Variants in ROR2 observed in about 807,000 individuals in gnomAD.
The protein encoded by ROR2 is ROR family WNT receptor 2.
Under a neutral mutation model 74.9 loss-of-function variants are expected in ROR2, and 33 were observed. The observed-to-expected ratio is 0.44, with a 90% CI of 0.33 to 0.59. ROR2 has a LOEUF of 0.59. ROR2 is among the 20% of genes least tolerant of loss of function. ROR2 has a pLI of 0.02. For synonymous variants in ROR2, 586 were observed against 558.7 expected (o/e 1.05, Z -0.69); for missense variants, 1,216 against 1,313.8 (o/e 0.93, Z 1.15).
At chr9:91,903,427 G>A (rs536406844) in intron 1 of ROR2, among the ~76,000 whole-genome samples, 6 of 151,924 alleles carry the variant, frequency 3.9e-5, no homozygotes, top group Non-Finnish European at 8.8e-5. Context: ...AAATGGAAAT[G>A]AGGCTGCTGG....
intron 1 of ROR2, among the ~76,000 whole-genome samples, chr9:91,879,609 C>T (rs945668055): frequency 2.0e-5 from 3 of 152,112 alleles, no homozygotes; most frequent in Non-Finnish European, 2.9e-5. Flanking sequence ...TACACTCACG[C>T]ACTTATGCAG....
In ROR2 at chr9:91,733,435, C is replaced by A; in HGVS notation, c.624G>T (p.Ala208=). 6.2e-7 allele frequency: 1 copy of A among 1,610,068 alleles called. No individual in the cohort carries two copies. Among genetic ancestry groups the A allele is most frequent in the Non-Finnish European group, 8.5e-7 (1 of 1,179,412 alleles). ...MQGEIENRIT[A]AFTMIGTSTH... ...TAGACGTGCCGATCATGGTGAAGGC[C>A]GCTGCAGAGCCCGCGAGACTCGCGT... Residue 208 remains alanine, a splice_region_variant and synonymous_variant, in exon 6 of 9, where the codon GCG becomes GCT. Transcript: ENST00000375708. The surrounding 1 kb of genome is among the most constrained non-coding windows in gnomAD (Gnocchi z 5.7).
At chr9:91,933,032 C>CA (rs1831591226) in intron 1 of ROR2, among the ~76,000 whole-genome samples, 1 of 152,138 alleles carries the variant, frequency 6.6e-6, no homozygotes, top group Non-Finnish European at 1.5e-5. Flanking sequence ...AGCACAGTGG[C>CA]CTATGATTAC....
At chr9:91,737,604 A>G in intron 4 of ROR2, 86 bp from the exon 5 acceptor site, 3 of 1,592,074 alleles carry the variant, frequency 1.9e-6, no homozygotes, top group Non-Finnish European at 2.6e-6. Flanking sequence ...GCATCTTGCG[A>G]TCCAGCAATT....
At chr9:91,910,758 G>C (rs997837092) in intron 1 of ROR2, among the ~76,000 whole-genome samples, 1 of 151,984 alleles carries the variant, frequency 6.6e-6, no homozygotes, top group Non-Finnish European at 1.5e-5. Context: ...CCACCTTCCA[G>C]GTTCAAGAGA....
At chr9:91,855,414 C>A (rs1409739085) in intron 1 of ROR2, among the ~76,000 whole-genome samples, 1 of 152,230 alleles carries the variant, frequency 6.6e-6, no homozygotes, top group Non-Finnish European at 1.5e-5. Context: ...GCCAGGGCAG[C>A]CTGGCCCTAG....
At position 91,786,360 on chromosome 9, in the gene ROR2, A is replaced by C. The variant is rs139645972; in HGVS notation, c.98-10542T>G. Among the ~76,000 whole-genome samples, 747 of 122,556 alleles carry C rather than the reference A, an allele frequency of 6.1e-3. 4 individuals carry two copies. Among genetic ancestry groups the C allele is most frequent in the Middle Eastern group, 0.015 (3 of 204 alleles). 80.4% of individuals were successfully genotyped at this position (122,556 alleles called of 152,430 possible). A position where few individuals can be genotyped will look rare whatever the true frequency, so the allele number is the denominator to read the frequency against. ...TCAATCAATCAATCAATAAGTAAAT[A>C]AATAAATAAATAAATAAATAAATGG... On this transcript the variant is annotated intron_variant, in intron 1 of 8. Coordinates refer to ENST00000375708, the MANE Select transcript of ROR2 (RefSeq NM_004560.4).
At chr9:91,920,419 T>C (rs1227377556) in intron 1 of ROR2, among the ~76,000 whole-genome samples, 1 of 152,140 alleles carries the variant, frequency 6.6e-6, no homozygotes, top group Non-Finnish European at 1.5e-5. Flanking sequence ...GGTGAGAAGA[T>C]CACTTGTGCC....
intron 1 of ROR2, among the ~76,000 whole-genome samples, chr9:91,898,217 T>C (rs915644766): frequency 3.9e-5 from 6 of 152,204 alleles, no homozygotes; most frequent in Non-Finnish European, 7.4e-5. Flanking sequence ...GTCCAGAGCC[T>C]TTCTAACCAC....
intron 1 of ROR2, among the ~76,000 whole-genome samples, chr9:91,832,936 C>T (rs544654297): frequency 3.4e-4 from 52 of 152,256 alleles, no homozygotes; most frequent in African/African-American, 1.1e-3. Flanking sequence ...CAAGAGAAGA[C>T]GCTGCAGTGC....
At chr9:91,756,501 G>A (rs528654666) in intron 3 of ROR2, among the ~76,000 whole-genome samples, 26 of 152,152 alleles carry the variant, frequency 1.7e-4, no homozygotes, top group African/African-American at 6.3e-4. Context: ...CCTTCACCAG[G>A]TGTGACGAGC....
intron 2 of ROR2, among the ~76,000 whole-genome samples, chr9:91,762,202 T>C (rs1323610418): frequency 6.6e-6 from 1 of 152,208 alleles, no homozygotes; most frequent in African/African-American, 2.4e-5. Context: ...CCCGGTTTCC[T>C]AAGGACCTCT....
Position 91,724,863 on chromosome 9 carries a change from G to A in ROR2, c.1631C>T (p.Thr544Ile). 1 of 1,602,020 alleles carries A rather than the reference G, an allele frequency of 6.2e-7. No homozygotes were observed. Among genetic ancestry groups the A allele is most frequent in the African/African-American group, 1.3e-5 (1 of 74,838 alleles). ...PNVVCLLGVV[T>I]KDQPLSMIFS... ...GATCATGCTCAGGGGCTGGTCCTTG[G>A]TCACCACGCCCAGCAGGCAGACGAC... Residue 544 changes from threonine to isoleucine, a missense_variant, in exon 9 of 9, where the codon ACC (threonine) becomes ATC (isoleucine). Coordinates refer to ENST00000375708, the MANE Select transcript of ROR2 (RefSeq NM_004560.4).
rs1232142986 is a variant in ROR2, at chr9:91,909,842, G to GTTTTTTTTTTTTTTTTTTTTTTTTTTTTT, written c.97+40024_97+40025insAAAAAAAAAAAAAAAAAAAAAAAAAAAAA. 2.0e-4 allele frequency among the ~76,000 whole-genome samples: 11 copies of GTTTTTTTTTTTTTTTTTTTTTTTTTTTTT among 55,978 alleles called. 2 individuals carry two copies. Among genetic ancestry groups the GTTTTTTTTTTTTTTTTTTTTTTTTTTTTT allele is most frequent in the Admixed American group, 5.4e-4 (2 of 3,712 alleles). 36.7% of individuals were successfully genotyped at this position (55,978 alleles called of 152,430 possible). On this transcript the variant is annotated intron_variant, in intron 1 of 8. Coordinates refer to ENST00000375708, the MANE Select transcript of ROR2 (RefSeq NM_004560.4). ...TTTATTCTTTTTTTTTTTTAGGTTT[G>GTTTTTTTTTTTTTTTTTTTTTTTTTTTTT]TTTTGTTTTTTTTTTTTTTTTTTTT...
intron 1 of ROR2, among the ~76,000 whole-genome samples, chr9:91,784,535 G>C (rs978321217): frequency 1.3e-5 from 2 of 152,250 alleles, no homozygotes; most frequent in African/African-American, 4.8e-5. Flanking sequence ...ATGGCAGTCA[G>C]AACACAGTTG....
chr9:91,761,060 G>A (rs113027036), intron 2 of ROR2, among the ~76,000 whole-genome samples: 93 of 152,328 alleles, frequency 6.1e-4, no homozygotes, highest in African/African-American at 2.0e-3. Flanking sequence ...AAACAGGGGT[G>A]TAAAGCAACA....
chr9:91,898,581 C>T (rs1397763610), intron 1 of ROR2, among the ~76,000 whole-genome samples: 1 of 152,222 alleles, frequency 6.6e-6, no homozygotes, highest in Non-Finnish European at 1.5e-5. Context: ...GACAAACGTA[C>T]AGCCAGGTGG....
At chr9:91,879,272 T>C (rs1246023545) in intron 1 of ROR2, among the ~76,000 whole-genome samples, 2 of 152,138 alleles carry the variant, frequency 1.3e-5, no homozygotes, top group Admixed American at 6.5e-5. Context: ...TCCACCTTGG[T>C]AGGGCCTTGG....
Position 91,726,589 on chromosome 9 carries a change from G to T in ROR2, c.1338C>A (p.Ala446=), listed in dbSNP as rs1353716958. The T allele has an allele frequency of 6.2e-7, 1 of 1,613,528 alleles. No homozygotes were observed. The highest frequency in any genetic ancestry group is 1.7e-5 in the Admixed American group (1 of 60,010). The change falls in exon 8 of 9, where the codon GCC becomes GCA. Residue 446 remains alanine, a synonymous_variant. Coordinates refer to ENST00000375708, the MANE Select transcript of ROR2 (RefSeq NM_004560.4). Reference sequence around the variant, plus strand: ...GCATTTCCATGTCTTGGCTGGGCGAGGCCATCAGCTGTCGCCGCTGCGGTG... The same window carrying T: ...GCATTTCCATGTCTTGGCTGGGCGATGCCATCAGCTGTCGCCGCTGCGGTG... ...ASTPQRRQLM[A]SPSQDMEMPL... is the part of the protein sequence containing the mutation.
Sources: allele counts gnomAD v4.1 joint callset (sites outside exome capture counted in the v4.1 genomes callset), GRCh38; gene constraint gnomAD v4.1.1; non-coding constraint Gnocchi (gnomAD v3.1); transcripts MANE v1.5; gene names NCBI Gene and HGNC (gene_info 2026-07-23, HGNC 2026-07-21).